Variants in TMEM276 observed in about 807,000 individuals in gnomAD.
TMEM276 encodes the protein transmembrane protein 276.
chr8:144,465,557 G>T, the TMEM276 span: 79 of 287,050 alleles, frequency 2.8e-4, no homozygotes, highest in South Asian at 8.5e-3. Flanking sequence ...AGGCCTGGGG[G>T]AGAGGGTCGA....
chr8:144,464,282 C>A, the TMEM276 span: 2,409 of 1,613,310 alleles, frequency 1.5e-3, 6 homozygotes, highest in Non-Finnish European at 1.8e-3. Flanking sequence ...ATCGCCCCCC[C>A]CCACATCCCA....
the TMEM276 span, chr8:144,464,640 T>C: frequency 2.5e-6 from 4 of 1,585,506 alleles, no homozygotes; most frequent in Non-Finnish European, 3.4e-6. Context: ...GGAGAACACG[T>C]GGGAAAAAGA....
At chr8:144,464,245 C>T in the TMEM276 span, 3 of 1,612,906 alleles carry the variant, frequency 1.9e-6, no homozygotes, top group Admixed American at 1.7e-5. Context: ...CTCCTCCAGC[C>T]GGCTCAGGAG....
the TMEM276 span, chr8:144,466,773 C>T: frequency 6.5e-7 from 1 of 1,532,576 alleles, no homozygotes; most frequent in Non-Finnish European, 8.7e-7. Flanking sequence ...GCCCGCAAGC[C>T]CCGGGGTCGC....
chr8:144,464,918 G>A, the TMEM276 span: 30 of 1,609,992 alleles, frequency 1.9e-5, no homozygotes, highest in African/African-American at 5.3e-5. Flanking sequence ...TCAGGCGGCA[G>A]TATGTACGAG....
chr8:144,464,761 G>T, the TMEM276 span: 4 of 1,608,030 alleles, frequency 2.5e-6, no homozygotes, highest in African/African-American at 5.3e-5. Flanking sequence ...GGTCCTTGGG[G>T]TTTGGGAGGT....
At chr8:144,464,570 C>T in the TMEM276 span, 1 of 1,610,918 alleles carries the variant, frequency 6.2e-7, no homozygotes, top group Non-Finnish European at 8.5e-7. Flanking sequence ...GTGGTGGCAG[C>T]CAAGACCTGG....
chr8:144,464,382 G>A, the TMEM276 span: 4 of 1,609,558 alleles, frequency 2.5e-6, no homozygotes, highest in Non-Finnish European at 3.4e-6. Flanking sequence ...GGCCCTCAGG[G>A]CCGAGGTGGC....
At chr8:144,465,188 G>A in the TMEM276 span, 1 of 1,322,910 alleles carries the variant, frequency 7.6e-7, no homozygotes, top group Non-Finnish European at 9.8e-7. Context: ...GGGCCCTGGA[G>A]CCCAAGTGGG....
chr8:144,464,982 G>T, the TMEM276 span: 1 of 1,563,246 alleles, frequency 6.4e-7, no homozygotes, highest in South Asian at 1.2e-5. Flanking sequence ...AGAAGCCAGC[G>T]ACCTGGAGCC....
chr8:144,464,547 T>C, the TMEM276 span: 1 of 1,612,014 alleles, frequency 6.2e-7, no homozygotes, highest in Non-Finnish European at 8.5e-7. Context: ...TGCTCAGCCC[T>C]GGGGCCAGCG....
chr8:144,464,217 T>TAGC, the TMEM276 span: 2 of 1,612,958 alleles, frequency 1.2e-6, no homozygotes, highest in African/African-American at 1.3e-5. Context: ...CCTCCTTCGG[T>TAGC]AGCAGCAGCA....
At chr8:144,463,867 C>A in the TMEM276 span, 1 of 1,375,830 alleles carries the variant, frequency 7.3e-7, no homozygotes, top group Non-Finnish European at 9.3e-7. Context: ...TAGGCCTCTT[C>A]TCTGGATCCA....
chr8:144,465,163 G>A, the TMEM276 span: 91 of 1,392,224 alleles, frequency 6.5e-5, no homozygotes, highest in African/African-American at 1.1e-3. Flanking sequence ...TAAGCTGGGG[G>A]GAACGTCAGC....
chr8:144,466,700 G>T, the TMEM276 span: 1 of 1,368,072 alleles, frequency 7.3e-7, no homozygotes, highest in South Asian at 1.4e-5. Flanking sequence ...GGTTCGCGGA[G>T]GGAAGGGGCC....
the TMEM276 span, chr8:144,466,351 C>A: frequency 3.7e-6 from 2 of 546,966 alleles, no homozygotes; most frequent in East Asian, 6.1e-5. Context: ...CTGCGGCGGG[C>A]GGGCGCCGAG....
the TMEM276 span, chr8:144,466,854 G>C: frequency 6.5e-7 from 1 of 1,536,708 alleles, no homozygotes; most frequent in Non-Finnish European, 8.7e-7. Context: ...TGCGGGCTGG[G>C]AGTCCCGCGG....
chr8:144,464,683 T>C, the TMEM276 span: 1 of 1,573,664 alleles, frequency 6.4e-7, no homozygotes, highest in Non-Finnish European at 8.6e-7. Context: ...AGGAAAGGGT[T>C]TGGGGCTTCC....
the TMEM276 span, chr8:144,464,294 A>T: frequency 1.2e-6 from 2 of 1,612,900 alleles, no homozygotes; most frequent in Non-Finnish European, 1.7e-6. Flanking sequence ...CACATCCCAT[A>T]AGTGTTGGCC....
Sources: gnomAD v4.1 joint callset for allele counts on GRCh38, gnomAD v4.1.1 for gene constraint, MANE v1.5 for transcripts, NCBI Gene and HGNC (gene_info 2026-07-23, HGNC 2026-07-21) for gene names.